Variants in FOXO1 observed in about 807,000 individuals in gnomAD.
FOXO1 encodes forkhead box O1.
Under a neutral mutation model 44.1 loss-of-function variants are expected in FOXO1, and 6 were observed. The ratio of observed to expected loss-of-function variants is 0.14; its 90% CI spans 0.07 to 0.27. FOXO1 has a LOEUF of 0.27. FOXO1 is among the 10% of genes least tolerant of loss of function. The probability of loss-of-function intolerance (pLI) is 1.00; values close to 1 mark genes in which losing one functional copy is unlikely to be tolerated. For missense variants in FOXO1, 737 were observed against 888.8 expected, an observed-to-expected ratio of 0.83 and a Z score of 2.17; for synonymous variants, 380 against 362.7, an observed-to-expected ratio of 1.05 and a Z score of -0.54.
At chr13:40,604,299 T>C (rs1020217664) in intron 1 of FOXO1, among the ~76,000 whole-genome samples, 1 of 152,108 alleles carries the variant, frequency 6.6e-6, no homozygotes, top group Non-Finnish European at 1.5e-5. Flanking sequence ...ATACTGTATA[T>C]GTATGTGCAT....
chr13:40,632,650 GA>G (rs990481663), intron 1 of FOXO1, among the ~76,000 whole-genome samples: 9 of 149,052 alleles, frequency 6.0e-5, no homozygotes, highest in African/African-American at 2.2e-4. Context: ...AAAAAGAAAA[GA>G]AAAAAAAAGA....
intron 1 of FOXO1, among the ~76,000 whole-genome samples, chr13:40,655,263 T>C (rs1335064825): frequency 6.7e-6 from 1 of 149,542 alleles, no homozygotes; most frequent in Non-Finnish European, 1.5e-5. Flanking sequence ...GGCAGGAGAA[T>C]CGCTTGAACC....
At chr13:40,624,186 G>C (rs1179413739) in intron 1 of FOXO1, among the ~76,000 whole-genome samples, 1 of 151,668 alleles carries the variant, frequency 6.6e-6, no homozygotes, top group Non-Finnish European at 1.5e-5. Flanking sequence ...AAGCCAAAAG[G>C]AGATATGTGG....
chr13:40,623,417 C>G (rs756321808), intron 1 of FOXO1, among the ~76,000 whole-genome samples: 7 of 152,104 alleles, frequency 4.6e-5, no homozygotes, highest in Admixed American at 1.3e-4. Flanking sequence ...TTGCCAACAA[C>G]AAGAAATAAA....
chr13:40,659,464 ATTTT>A (rs781449389), intron 1 of FOXO1, among the ~76,000 whole-genome samples: 1 of 146,710 alleles, frequency 6.8e-6, no homozygotes, highest in African/African-American at 2.5e-5. Flanking sequence ...CTCTCCCTTG[ATTTT>A]TTTTTTTTCC....
In FOXO1 at chr13:40,560,612, G is replaced by A; in HGVS notation, c.879C>T (p.Ser293=). 2 of 1,614,180 alleles carry A rather than the reference G, an allele frequency of 1.2e-6. No homozygotes were observed. The highest frequency in any genetic ancestry group is 1.7e-6 in the Non-Finnish European group (2 of 1,180,040). Residue 293 remains serine, a synonymous_variant, in exon 2 of 3, where the codon TCC becomes TCT. Transcript: ENST00000379561. The surrounding 1 kb of genome is among the most constrained non-coding windows in gnomAD (Gnocchi z 5.1). ...GAGDSPGSQF[S]KWPASPGSHS... is the part of the protein sequence containing the mutation. Reference sequence around the variant, plus strand: ...GAGAGCCAGGGCTTGCAGGCCATTTGGAAAACTGTGATCCAGGGCTGTCCC... The same window carrying A: ...GAGAGCCAGGGCTTGCAGGCCATTTAGAAAACTGTGATCCAGGGCTGTCCC...
intron 1 of FOXO1, among the ~76,000 whole-genome samples, chr13:40,589,035 G>A (rs544038022): frequency 8.1e-4 from 123 of 152,254 alleles, no homozygotes; most frequent in Non-Finnish European, 1.5e-3. Flanking sequence ...AATCCAGCAG[G>A]CAGAGGTTGC....
intron 1 of FOXO1, among the ~76,000 whole-genome samples, chr13:40,652,891 A>G (rs1288889981): frequency 9.2e-5 from 14 of 152,326 alleles, no homozygotes; most frequent in African/African-American, 2.6e-4. Context: ...TGAAGGACAC[A>G]ACATTTACAA....
At chr13:40,589,499 T>C (rs1211055715) in intron 1 of FOXO1, among the ~76,000 whole-genome samples, 1 of 152,180 alleles carries the variant, frequency 6.6e-6, no homozygotes, top group East Asian at 1.9e-4. Flanking sequence ...TAACAGAATA[T>C]TTCAGAGTCA....
intron 1 of FOXO1, among the ~76,000 whole-genome samples, chr13:40,663,997 G>T (rs1878128462): frequency 6.6e-6 from 1 of 152,348 alleles, no homozygotes; most frequent in Admixed American, 6.5e-5. Context: ...TAGCTCGGCC[G>T]GGAACGGTGG....
intron 1 of FOXO1, among the ~76,000 whole-genome samples, chr13:40,643,267 G>A (rs540274099): frequency 2.4e-4 from 36 of 151,792 alleles, no homozygotes; most frequent in Admixed American, 6.6e-4. Flanking sequence ...GCTTGAACCC[G>A]GGAGGCAGAT....
At chr13:40,561,753 G>T (rs1593378434) in intron 1 of FOXO1, among the ~76,000 whole-genome samples, 1 of 152,062 alleles carries the variant, frequency 6.6e-6, no homozygotes, top group Admixed American at 6.6e-5. Flanking sequence ...CAGATCACCT[G>T]AGGTCAGGAG....
intron 1 of FOXO1, among the ~76,000 whole-genome samples, chr13:40,648,938 A>G (rs753712693): frequency 1.3e-5 from 2 of 152,210 alleles, no homozygotes; most frequent in Non-Finnish European, 2.9e-5. Flanking sequence ...GCTCTAATCA[A>G]CAGCCGTTGA....
intron 1 of FOXO1, among the ~76,000 whole-genome samples, chr13:40,654,322 TAAAAAAAAAAAAAA>T (rs11344939): frequency 0.24 from 11,925 of 49,176 alleles, 969 homozygotes; most frequent in East Asian, 0.47. Context: ...CTAAAAATAC[TAAAAAAAAAAAAAA>T]AAAAAAAAAA....
chr13:40,560,641 C>G lies in FOXO1; in HGVS notation c.850G>C (p.Ala284Pro). The G allele has an allele frequency of 1.9e-6, 3 of 1,614,224 alleles. No individual in the cohort carries two copies. Among genetic ancestry groups the G allele is most frequent in the Non-Finnish European group, 2.5e-6 (3 of 1,180,036 alleles). The change falls in exon 2 of 3, where the codon GCT becomes CCT. Residue 284 changes from alanine to proline, a missense_variant. Physicochemically the swap from Ala to Pro is conservative, Grantham distance 27. This residue lies in a region of FOXO1 where 136 missense variants were observed against 186.4 expected (regional missense o/e 0.73). Coordinates refer to ENST00000379561, the MANE Select transcript of FOXO1 (RefSeq NM_002015.4). This position sits in a 1 kb window ranked among gnomAD's most constrained non-coding sequence, Gnocchi z 5.1. ...AACTGTGATCCAGGGCTGTCCCCAGCACCCTCCTGGCCAGACTGGAGAGAT... is the reference window on the plus strand; with the variant it reads ...AACTGTGATCCAGGGCTGTCCCCAGGACCCTCCTGGCCAGACTGGAGAGAT... ...KASLQSGQEG[A>P]GDSPGSQFSK...
At chr13:40,629,405 G>A (rs1275333332) in intron 1 of FOXO1, among the ~76,000 whole-genome samples, 2 of 152,174 alleles carry the variant, frequency 1.3e-5, no homozygotes, top group Non-Finnish European at 2.9e-5. Flanking sequence ...GCCTCCCAAG[G>A]TGCTGGGATT....
intron 1 of FOXO1, among the ~76,000 whole-genome samples, chr13:40,582,478 G>A (rs1381126169): frequency 6.6e-6 from 1 of 152,190 alleles, no homozygotes; most frequent in Non-Finnish European, 1.5e-5. Flanking sequence ...GATGCTGTTT[G>A]ATAGCATTTT....
intron 1 of FOXO1, among the ~76,000 whole-genome samples, chr13:40,612,117 G>A (rs1166790989): frequency 1.3e-5 from 2 of 152,078 alleles, no homozygotes; most frequent in African/African-American, 4.8e-5. Context: ...AACTCTACTA[G>A]AGGGCTAGGT....
chr13:40,646,892 C>T (rs1259827228), intron 1 of FOXO1, among the ~76,000 whole-genome samples: 1 of 152,174 alleles, frequency 6.6e-6, no homozygotes, highest in Non-Finnish European at 1.5e-5. Context: ...CCGCGCCCGG[C>T]CTGAACTTCG....
Sources: gnomAD v4.1 joint callset for allele counts (sites outside exome capture counted in the v4.1 genomes callset) on GRCh38, gnomAD v4.1.1 for gene constraint, gnomAD v4.1.1 regional missense constraint, Gnocchi (gnomAD v3.1) non-coding constraint, MANE v1.5 for transcripts, NCBI Gene and HGNC (gene_info 2026-07-23, HGNC 2026-07-21) for gene names.